SH3TC1: variants seen among roughly 807,000 people sequenced by gnomAD.
The protein encoded by SH3TC1 is SH3 domain and tetratricopeptide repeats 1, also known as SH3 domain and tetratricopeptide repeat-containing protein 1.
Under a neutral mutation model 117.3 loss-of-function variants are expected in SH3TC1, and 135 were observed. That is an observed-to-expected ratio of 1.15 (90% confidence interval 1.00 to 1.33). SH3TC1 has a LOEUF of 1.33. SH3TC1 is among the 40% of genes most tolerant of loss of function. The probability of loss-of-function intolerance (pLI) is 0.00; values close to 1 mark genes in which losing one functional copy is unlikely to be tolerated. For missense variants in SH3TC1, 2,092 were observed against 1,794.3 expected, an observed-to-expected ratio of 1.17 and a Z score of -3.00; for synonymous variants, 898 against 816.9, an observed-to-expected ratio of 1.10 and a Z score of -1.69.
Position 8,216,236 on chromosome 4 carries a change from G to A in SH3TC1, c.607G>A (p.Glu203Lys), listed in dbSNP as rs144802316. ...TGAGAACGCCTTAAGGCTGACCCAC[G>A]AGAGCCTCCTCATCCAAGAAGGTGA... ...VDENALRLTH[E>K]SLLIQEGPFF... is the part of the protein sequence containing the mutation. The change falls in exon 6 of 18, where the codon GAG (glutamate) becomes AAG (lysine). Residue 203 changes from glutamate to lysine, a missense_variant. Glu to Lys is a moderately conservative substitution (Grantham distance 56). Coordinates refer to ENST00000245105, the MANE Select transcript of SH3TC1 (RefSeq NM_018986.5). 1.4e-4 allele frequency: 232 copies of A among 1,613,628 alleles called. No individual in the cohort carries two copies. The African/African-American group carries it at 2.5e-3, about 17-fold the overall frequency.
intron 5 of SH3TC1, chr4:8,215,050 G>A: frequency 4.6e-6 from 2 of 438,280 alleles, no homozygotes; most frequent in South Asian, 3.2e-5. Flanking sequence ...CGCACCTGGT[G>A]CTCAGGGAGA....
Position 8,205,822 on chromosome 4 carries a change from C to T in SH3TC1, c.172+456C>T, listed in dbSNP as rs1578656107. 1.7e-6 allele frequency: 1 copy of T among 597,816 alleles called. No individual in the cohort carries two copies. The highest frequency in any genetic ancestry group is 3.6e-4 in the Middle Eastern group (1 of 2,792). The allele number at this position is 597,816 out of a possible 1,614,324, so 37.0% of individuals were successfully genotyped here. A position where few individuals can be genotyped will look rare whatever the true frequency, so the allele number is the denominator to read the frequency against. On this transcript the variant is annotated intron_variant, in intron 2 of 17. Transcript: ENST00000245105. This position sits in a 1 kb window ranked among gnomAD's most constrained non-coding sequence, Gnocchi z 5.4. ...CCGGGCCAGGACGTGTGCCCAGTTTCCTGAATTCCCGGGAGACCTGAAGAG... is the reference window on the plus strand; with the variant it reads ...CCGGGCCAGGACGTGTGCCCAGTTTTCTGAATTCCCGGGAGACCTGAAGAG...
chr4:8,236,447 T>C lies in SH3TC1; in HGVS notation c.3556+19T>C. 7.0e-7 allele frequency: 1 copy of C among 1,423,794 alleles called. No individual in the cohort carries two copies. Among genetic ancestry groups the C allele is most frequent in the Non-Finnish European group, 9.3e-7 (1 of 1,080,920 alleles). The allele number at this position is 1,423,794 out of a possible 1,614,324, so 88.2% of individuals were successfully genotyped here. ...ACCCTGGGTAAGCCCCCTGAGCCCC[T>C]GCCCTGCCAGGACCCACACTTTGCC... On this transcript the variant is annotated intron_variant, in intron 16 of 17. Coordinates refer to ENST00000245105, the MANE Select transcript of SH3TC1 (RefSeq NM_018986.5).
At chr4:8,235,381 C>A in intron 14 of SH3TC1, 52 bp from the exon 15 acceptor site, 1 of 1,415,498 alleles carries the variant, frequency 7.1e-7, no homozygotes, top group South Asian at 1.8e-5. Context: ...CCTGGGTGGG[C>A]GTGGCCACCT....
chr4:8,187,296 T>C (rs964248767), intron 1 of SH3TC1, among the ~76,000 whole-genome samples: 22 of 150,892 alleles, frequency 1.5e-4, no homozygotes, highest in Admixed American at 1.2e-3. Context: ...GGCTTTGTCA[T>C]TGATGCTGTT....
rs181391093 is a variant in SH3TC1 at position 8,213,676 on chromosome 4, T to C, written c.376-799T>C. Among the ~76,000 whole-genome samples the C allele has an allele frequency of 4.5e-3, 686 of 152,134 alleles. 10 individuals are homozygous for C. Among genetic ancestry groups the C allele is most frequent in the Non-Finnish European group, 3.3e-3 (224 of 67,996 alleles). On this transcript the variant is annotated intron_variant, in intron 4 of 17. Transcript: ENST00000245105. Reference sequence around the variant, plus strand: ...ACTTTGGGCGAACGACGAAGAAGGATCACTTGAGCCCAGGAGTTTAAGACC... The same window carrying C: ...ACTTTGGGCGAACGACGAAGAAGGACCACTTGAGCCCAGGAGTTTAAGACC...
Position 8,240,702 on chromosome 4 carries a change from C to T in SH3TC1, c.3758C>T (p.Pro1253Leu), listed in dbSNP as rs200546869. ...GDIIFYDLKD[P>L]FDAAGYYQLA... ...AGCATGGCCTGTCCCCTTCAGGACC[C>T]GTTTGATGCAGCCGGGTACTACCAG... The change falls in exon 18 of 18, where the codon CCG becomes CTG. Residue 1253 changes from proline to leucine, a missense_variant. Transcript: ENST00000245105. 190 of 1,613,848 alleles carry T rather than the reference C, an allele frequency of 1.2e-4. No individual in the cohort carries two copies. Among genetic ancestry groups the T allele is most frequent in the Non-Finnish European group, 1.5e-4 (182 of 1,180,042 alleles).
intron 17 of SH3TC1, among the ~76,000 whole-genome samples, chr4:8,240,260 G>A (rs1034261069): frequency 1.3e-5 from 2 of 152,232 alleles, no homozygotes; most frequent in African/African-American, 4.8e-5. Flanking sequence ...ACACCTGGGA[G>A]ATGCTTTTAT....
chr4:8,232,541 C>CA, intron 13 of SH3TC1: 1 of 1,368,216 alleles, frequency 7.3e-7, no homozygotes, highest in Non-Finnish European at 9.7e-7. Context: ...AATGTGACCA[C>CA]AGCAGCCACC....
Position 8,186,418 on chromosome 4 carries a change from T to G in SH3TC1, c.-57+4208T>G, listed in dbSNP as rs927012459. Among the ~76,000 whole-genome samples the G allele has an allele frequency of 6.6e-6, 1 of 152,150 alleles. No homozygotes were observed. Among genetic ancestry groups the G allele is most frequent in the African/African-American group, 2.4e-5 (1 of 41,418 alleles). ...AGACGTGGTGTCCCCCATGGGCTTCTGCGTGGAGCAGAAGACGGATGTTAG... is the reference window on the plus strand; with the variant it reads ...AGACGTGGTGTCCCCCATGGGCTTCGGCGTGGAGCAGAAGACGGATGTTAG... On this transcript the variant is annotated intron_variant, in intron 1 of 16. Coordinates refer to the SH3TC1 transcript ENST00000508641. The surrounding 1 kb of genome is among the most constrained non-coding windows in gnomAD (Gnocchi z 5.2).
At chr4:8,184,276 A>G (rs1445340528) in intron 1 of SH3TC1, among the ~76,000 whole-genome samples, 4 of 152,220 alleles carry the variant, frequency 2.6e-5, no homozygotes, top group Non-Finnish European at 5.9e-5. Context: ...CAACATTGAG[A>G]CACCTGGCTT....
At chr4:8,238,082 AACATCCAACCCAAATC>A in intron 17 of SH3TC1, among the ~76,000 whole-genome samples, 1 of 152,184 alleles carries the variant, frequency 6.6e-6, no homozygotes, top group Non-Finnish European at 1.5e-5. Flanking sequence ...TCCATGTTGC[AACATCCAACCCAAATC>A]CTGGCGCCTC....
upstream of SH3TC1, among the ~76,000 whole-genome samples, chr4:8,198,768 G>A (rs1036733302): frequency 3.9e-5 from 6 of 152,230 alleles, no homozygotes; most frequent in African/African-American, 1.2e-4. Flanking sequence ...CCAGTGGCCC[G>A]GAGGGCACCC....
chr4:8,196,342 G>A (rs1489737865), upstream of SH3TC1, among the ~76,000 whole-genome samples: 2 of 152,202 alleles, frequency 1.3e-5, no homozygotes, highest in African/African-American at 4.8e-5. The surrounding 1 kb of genome is among the most constrained non-coding windows in gnomAD (Gnocchi z 4.6). Context: ...CTGAGCAGGG[G>A]AGGGAGCCTC....
intron 3 of SH3TC1, among the ~76,000 whole-genome samples, chr4:8,211,402 T>C (rs1712284): frequency 0.33 from 111 of 336 alleles, 35 homozygotes; most frequent in South Asian, 1. Context: ...CCCTCTTCCT[T>C]CCTCTCCCCC....
chr4:8,233,974 CCATCCATCCATCCAT>C (rs1721515755), intron 14 of SH3TC1, among the ~76,000 whole-genome samples: 1 of 141,006 alleles, frequency 7.1e-6, no homozygotes, highest in Admixed American at 6.9e-5. Flanking sequence ...ACCTGTTTGT[CCATCCATCCATCCAT>C]CATCCATCCA....
rs747598748 is a variant in SH3TC1 at position 8,205,519 on chromosome 4, C to G, written c.172+153C>G. The G allele has an allele frequency of 2.5e-5, 27 of 1,090,734 alleles. No individual in the cohort carries two copies. In the South Asian group the frequency reaches 3.3e-4, roughly 13 times the overall value. 67.6% of individuals were successfully genotyped at this position (1,090,734 alleles called of 1,614,324 possible). A position where few individuals can be genotyped will look rare whatever the true frequency, so the allele number is the denominator to read the frequency against. ...TCTCCATCACTTCTCGTTTCCTTCCCCCGCGTGTGTTTAACAGGAGCCACT... is the reference window on the plus strand; with the variant it reads ...TCTCCATCACTTCTCGTTTCCTTCCGCCGCGTGTGTTTAACAGGAGCCACT... On this transcript the variant is annotated intron_variant, in intron 2 of 17. Transcript: ENST00000245105. This position sits in a 1 kb window ranked among gnomAD's most constrained non-coding sequence, Gnocchi z 5.4.
chr4:8,189,008 G>C (rs571760196), intron 1 of SH3TC1, among the ~76,000 whole-genome samples: 30 of 152,376 alleles, frequency 2.0e-4, no homozygotes, highest in African/African-American at 7.2e-4. Flanking sequence ...GTCCGTGCCT[G>C]CTGCAAGCCG....
rs777258109 is a variant in SH3TC1, at chr4:8,227,251, C to G, written c.1557C>G (p.Tyr519Ter). 2 of 1,595,752 alleles carry G rather than the reference C, an allele frequency of 1.3e-6. No individual in the cohort carries two copies. Among genetic ancestry groups the G allele is most frequent in the South Asian group, 1.1e-5 (1 of 89,334 alleles). ...PGYKASFRGLYDVALPWLSSV... is the reference protein window; with the variant it reads ...PGYKASFRGL ...ACAAGGCCAGCTTCCGTGGCCTGTA[C>G]GATGTGGCGCTGCCGTGGCTGAGCA... The change falls in exon 12 of 18, where the codon TAC becomes TAG. Residue 519 changes from tyrosine to a stop codon, truncating the protein, a stop_gained. Coordinates refer to ENST00000245105, the MANE Select transcript of SH3TC1 (RefSeq NM_018986.5). LOFTEE classifies it high-confidence loss of function.
Sources: allele counts gnomAD v4.1 joint callset (sites outside exome capture counted in the v4.1 genomes callset), GRCh38; gene constraint gnomAD v4.1.1; non-coding constraint Gnocchi (gnomAD v3.1); transcripts MANE v1.5; gene names NCBI Gene and HGNC (gene_info 2026-07-23, HGNC 2026-07-21).